The following VAV3 variants were observed in gnomAD, a reference collection of about 807,000 sequenced individuals.
VAV3 encodes the protein guanine nucleotide exchange factor VAV3.
A neutral mutation model predicts 131.2 loss-of-function variants in VAV3; 94 were observed. The observed-to-expected ratio is 0.72, with a 90% CI of 0.61 to 0.85. The LOEUF (loss-of-function observed/expected upper bound fraction) is 0.85, where lower values mean the gene tolerates loss of function less well. Among genes scored for constraint, VAV3 ranks in the 40% least tolerant of loss-of-function variants. The pLI, the probability that VAV3 is intolerant of heterozygous loss-of-function variation, is 0.00. For synonymous variants in VAV3, 349 were observed against 342.0 expected, an observed-to-expected ratio of 1.02 and a Z score of -0.22; for missense variants, 939 against 1,002.7, an observed-to-expected ratio of 0.94 and a Z score of 0.86.
intron 12 of VAV3, among the ~76,000 whole-genome samples, chr1:107,751,772 T>C (rs893658865): frequency 1.3e-5 from 2 of 152,214 alleles, no homozygotes; most frequent in Admixed American, 1.3e-4. Flanking sequence ...TTTAAAATAA[T>C]GAGCTATTTT....
At chr1:107,870,423 T>A (rs887699692) in intron 2 of VAV3, among the ~76,000 whole-genome samples, 2 of 152,160 alleles carry the variant, frequency 1.3e-5, no homozygotes, top group African/African-American at 4.8e-5. Context: ...TTGTTGGCCA[T>A]TTGTATGTCT....
intron 25 of VAV3, chr1:107,576,262 G>T: frequency 4.4e-6 from 3 of 680,830 alleles, no homozygotes; most frequent in Non-Finnish European, 6.9e-6. Flanking sequence ...TAAAGTGCAT[G>T]GTGGTAATGG....
chr1:107,830,216 T>A (rs4073682), intron 2 of VAV3, among the ~76,000 whole-genome samples: 12,403 of 151,104 alleles, frequency 0.082, 719 homozygotes, highest in East Asian at 0.23. Context: ...ACTTTTTTTT[T>A]TTTTGAGACA....
chr1:107,857,229 A>G (rs1442448421), intron 2 of VAV3, among the ~76,000 whole-genome samples: 1 of 152,076 alleles, frequency 6.6e-6, no homozygotes, highest in Non-Finnish European at 1.5e-5. Flanking sequence ...AAAACACGAA[A>G]AGGCTACACT....
chr1:107,646,582 A>G (rs2101542596), intron 19 of VAV3, among the ~76,000 whole-genome samples: 1 of 152,180 alleles, frequency 6.6e-6, no homozygotes, highest in Admixed American at 6.6e-5. Context: ...CCAGATGTTT[A>G]ATTATTTTAC....
intron 19 of VAV3, among the ~76,000 whole-genome samples, chr1:107,679,227 T>C (rs1327578864): frequency 2.6e-5 from 4 of 152,162 alleles, no homozygotes; most frequent in African/African-American, 7.2e-5. Context: ...AGACATCTCC[T>C]TGGTGAATAA....
intron 1 of VAV3, among the ~76,000 whole-genome samples, chr1:107,896,591 C>G (rs1671590599): frequency 6.6e-6 from 1 of 152,142 alleles, no homozygotes; most frequent in African/African-American, 2.4e-5. Flanking sequence ...CACAAAACCT[C>G]CTGCCACAAT....
At chr1:107,769,187 C>T (rs999293687) in intron 6 of VAV3, among the ~76,000 whole-genome samples, 2 of 152,172 alleles carry the variant, frequency 1.3e-5, no homozygotes, top group African/African-American at 4.8e-5. Context: ...CCTCATTTCC[C>T]TCCTAACCGA....
chr1:107,916,899 T>C (rs1425570118), intron 1 of VAV3, among the ~76,000 whole-genome samples: 1 of 152,054 alleles, frequency 6.6e-6, no homozygotes, highest in African/African-American at 2.4e-5. Context: ...TAGGGAAAAC[T>C]AGACACAAAG....
At chr1:107,742,073 A>G (rs1429316072) in intron 15 of VAV3, among the ~76,000 whole-genome samples, 1 of 152,220 alleles carries the variant, frequency 6.6e-6, no homozygotes, top group Non-Finnish European at 1.5e-5. Context: ...AACTTCAAGA[A>G]TATCAAAAAA....
chr1:107,826,833 C>T (rs527787460), intron 2 of VAV3, among the ~76,000 whole-genome samples: 12 of 152,062 alleles, frequency 7.9e-5, no homozygotes, highest in African/African-American at 2.2e-4. Context: ...AAGAAACAAA[C>T]GGAAAATAAA....
At chr1:107,751,025 C>T in intron 13 of VAV3, 92 bp downstream of exon 13, 1 of 1,223,778 alleles carries the variant, frequency 8.2e-7, no homozygotes, top group African/African-American at 1.6e-5. Context: ...CCTTTTTTCC[C>T]CCTACTTCAC....
At position 107,905,206 on chromosome 1, in the gene VAV3, C is replaced by A. The variant is rs1286066225; in HGVS notation, c.205-30189G>T. ...TGTATTGCACAACCTGATAAGTCAG[C>A]CTTACCTAGAATTCCTGCTCCTCCA... is the stretch of plus-strand genomic sequence containing the variant. On this transcript the variant is annotated intron_variant, in intron 1 of 26. Transcript: ENST00000370056. Among the ~76,000 whole-genome samples, 4 of 152,148 alleles carry A rather than the reference C, an allele frequency of 2.6e-5. 1 individual carries two copies. The South Asian group carries it at 8.3e-4, about 32-fold the overall frequency.
intron 2 of VAV3, among the ~76,000 whole-genome samples, chr1:107,852,951 A>G (rs186262127): frequency 7.4e-4 from 113 of 152,274 alleles, no homozygotes; most frequent in Non-Finnish European, 8.4e-4. Context: ...TTTCATAGGA[A>G]AGAAAAGATT....
intron 1 of VAV3, among the ~76,000 whole-genome samples, chr1:107,934,117 A>G (rs1026267058): frequency 1.3e-5 from 2 of 152,226 alleles, no homozygotes; most frequent in African/African-American, 2.4e-5. Context: ...GGAAATTTCA[A>G]AAGTGCCTTC....
intron 2 of VAV3, among the ~76,000 whole-genome samples, chr1:107,785,952 T>C (rs1665956310): frequency 6.6e-6 from 1 of 152,216 alleles, no homozygotes; most frequent in Admixed American, 6.5e-5. Context: ...CACAGTAAAT[T>C]ACCCCCATTA....
intron 17 of VAV3, among the ~76,000 whole-genome samples, chr1:107,690,582 C>G (rs1167497460): frequency 6.6e-6 from 1 of 152,166 alleles, no homozygotes; most frequent in African/African-American, 2.4e-5. Flanking sequence ...TTAGCTATCC[C>G]TCCTTTATTT....
chr1:107,578,328 T>G (rs531062871), intron 25 of VAV3, among the ~76,000 whole-genome samples: 36 of 152,366 alleles, frequency 2.4e-4, no homozygotes, highest in African/African-American at 7.5e-4. Flanking sequence ...TTTTTAAGTA[T>G]ACTGATACAT....
At chr1:107,650,533 A>T (rs1379983809) in intron 19 of VAV3, among the ~76,000 whole-genome samples, 1 of 150,194 alleles carries the variant, frequency 6.7e-6, no homozygotes, top group East Asian at 1.9e-4. Context: ...TTTTTTTTAA[A>T]TTTTTATTTT....
Sources: allele counts gnomAD v4.1 joint callset (sites outside exome capture counted in the v4.1 genomes callset), GRCh38; gene constraint gnomAD v4.1.1; transcripts MANE v1.5; gene names NCBI Gene and HGNC (gene_info 2026-07-23, HGNC 2026-07-21).